The following ABCA4 variants were observed in gnomAD, a reference collection of about 807,000 sequenced individuals.
ABCA4 encodes ATP binding cassette subfamily A member 4.
Under a neutral mutation model 263.7 loss-of-function variants are expected in ABCA4, and 196 were observed. The observed-to-expected ratio is 0.74, with a 90% CI of 0.66 to 0.84. The LOEUF (loss-of-function observed/expected upper bound fraction) is 0.84. Ranked by LOEUF, ABCA4 falls within the 40% of genes least tolerant of loss-of-function variation. The pLI, the probability that ABCA4 is intolerant of heterozygous loss-of-function variation, is 0.00. For synonymous variants in ABCA4, 1,133 were observed against 1,094.2 expected (o/e 1.04, Z -0.70); for missense variants, 2,792 against 2,855.1 (o/e 0.98, Z 0.50).
intron 48 of ABCA4, among the ~76,000 whole-genome samples, chr1:93,997,414 C>T (rs148600981): frequency 3.7e-4 from 56 of 151,192 alleles, no homozygotes; most frequent in East Asian, 1.9e-3. Context: ...TGCACCACCA[C>T]GCCTGGCTAA....
chr1:94,037,347 TC>T lies in ABCA4; in HGVS notation c.3610del (p.Asp1204MetfsTer2). Reference protein sequence around the residue: ...DLTPEQVLDGDVNELMDVVLH... With the variant: ...DLTPEQVLDGXVNELMDVVLH... ...AACTACATCCATCAGCTCATTTACA[TC>T]CCCTAGGACAAGAAAAAAGACTGAT... On this transcript the variant is annotated frameshift_variant and splice_region_variant, in exon 25 of 50. Transcript: ENST00000370225. LOFTEE classifies it high-confidence loss of function. 1 of 1,613,942 alleles carries T rather than the reference TC, an allele frequency of 6.2e-7. No individual in the cohort carries two copies. The highest frequency in any genetic ancestry group is 8.5e-7 in the Non-Finnish European group (1 of 1,179,984).
Position 94,121,140 on chromosome 1 carries a change from G to C in ABCA4, c.-95C>G. 1.8e-6 allele frequency: 2 copies of C among 1,086,314 alleles called. No homozygotes were observed. Among genetic ancestry groups the C allele is most frequent in the Non-Finnish European group, 2.9e-6 (2 of 700,296 alleles). The allele number at this position is 1,086,314 out of a possible 1,614,324, so 67.3% of individuals were successfully genotyped here. Reference sequence around the variant, plus strand: ...GTTAAGAGCGCCTCTGGCTCCGGACGCTGTGTCCTTCTCCTGGTGATTAAA... The same window carrying C: ...GTTAAGAGCGCCTCTGGCTCCGGACCCTGTGTCCTTCTCCTGGTGATTAAA... On this transcript the variant is annotated 5_prime_UTR_variant, in exon 1 of 50. Transcript: ENST00000370225.
At chr1:94,021,434 G>C (rs778081754) in intron 34 of ABCA4, 25 bp from the exon 35 acceptor site, 2 of 1,614,026 alleles carry the variant, frequency 1.2e-6, no homozygotes, top group Non-Finnish European at 1.7e-6. Flanking sequence ...GGACATCTGA[G>C]ACGCTGCACT....
intron 37 of ABCA4, among the ~76,000 whole-genome samples, chr1:94,015,332 C>T (rs139755442): frequency 2.8e-4 from 42 of 152,250 alleles, no homozygotes; most frequent in African/African-American, 5.1e-4. Flanking sequence ...GCTTTTTGGC[C>T]GGAGTCTTCT....
intron 48 of ABCA4, 66 bp from the exon 49 acceptor site, chr1:93,996,261 AC>A: frequency 8.3e-7 from 1 of 1,201,508 alleles, no homozygotes. Flanking sequence ...ACACCCACCT[AC>A]CCACTTTGCT....
Position 94,051,682 on chromosome 1 carries a change from T to C in ABCA4, c.2604A>G (p.Pro868=), listed in dbSNP as rs1660844781. The C allele has an allele frequency of 1.2e-6, 2 of 1,613,922 alleles. No homozygotes were observed. The highest frequency in any genetic ancestry group is 1.7e-6 in the Non-Finnish European group (2 of 1,179,768). ...DQVFPGDYGT[P]LPWYFLLQES... is the part of the protein sequence containing the mutation. Reference sequence around the variant, plus strand: ...CTTGTAGAAGAAAGTACCAAGGAAGTGGGGTTCCATAGTCTCCTAAAAATA... The same window carrying C: ...CTTGTAGAAGAAAGTACCAAGGAAGCGGGGTTCCATAGTCTCCTAAAAATA... Residue 868 remains proline, a synonymous_variant, in exon 17 of 50, where the codon CCA becomes CCG. Coordinates refer to ENST00000370225, the MANE Select transcript of ABCA4 (RefSeq NM_000350.3).
At chr1:94,085,560 C>A (rs985926512) in intron 6 of ABCA4, among the ~76,000 whole-genome samples, 1 of 152,160 alleles carries the variant, frequency 6.6e-6, no homozygotes, top group African/African-American at 2.4e-5. Context: ...TTGCCTCTAG[C>A]CCCCTCCCTT....
chr1:93,996,080 G>C, intron 49 of ABCA4, 29 bp downstream of exon 49: 1 of 1,604,574 alleles, frequency 6.2e-7, no homozygotes, highest in Non-Finnish European at 8.5e-7. Context: ...ACTGCCTCAA[G>C]CTGTGGACTG....
Position 94,080,584 on chromosome 1 carries a change from G to A in ABCA4, c.993C>T (p.Gly331=). The A allele has an allele frequency of 6.2e-7, 1 of 1,614,150 alleles. No homozygotes were observed. Among genetic ancestry groups the A allele is most frequent in the African/African-American group, 1.3e-5 (1 of 75,034 alleles). ...ACCAGTTGAAGGAGAGCACCCGAGA[G>A]CCACCTCCCTCGGGGTAGCCACACA... ...DLLCGYPEGG[G]SRVLSFNWYE... is the part of the protein sequence containing the mutation. The change falls in exon 8 of 50, where the codon GGC becomes GGT. Residue 331 remains glycine (G), a synonymous_variant. Coordinates refer to ENST00000370225, the MANE Select transcript of ABCA4 (RefSeq NM_000350.3).
chr1:94,112,903 G>T, intron 2 of ABCA4, 70 bp downstream of exon 2: 2 of 1,198,362 alleles, frequency 1.7e-6, no homozygotes, highest in South Asian at 1.2e-5. Flanking sequence ...CCCACCCCAA[G>T]ATCTTTCTAG....
chr1:94,021,870 A>G lies in ABCA4; in HGVS notation c.4749T>C (p.Leu1583=), dbSNP rs754531924. 2 of 1,614,192 alleles carry G rather than the reference A, an allele frequency of 1.2e-6. No homozygotes were observed. The highest frequency in any genetic ancestry group is 8.5e-7 in the Non-Finnish European group (1 of 1,180,040). The part of the protein sequence containing the change: ...GEALVGFLSD[L]GRIMNVSGGP... ...CCCCGCTCACATTCATGATCCGGCCAAGGTCGCTTAAAAACCCAACAAGTG... is the reference window on the plus strand; with the variant it reads ...CCCCGCTCACATTCATGATCCGGCCGAGGTCGCTTAAAAACCCAACAAGTG... The change falls in exon 33 of 50, where the codon CTT becomes CTC. Residue 1583 remains leucine (L), a synonymous_variant. Transcript: ENST00000370225.
intron 17 of ABCA4, 75 bp downstream of exon 17, chr1:94,051,556 CTG>C: frequency 3.0e-6 from 4 of 1,316,646 alleles, no homozygotes; most frequent in Non-Finnish European, 3.3e-6. Context: ...AGGGCCACCT[CTG>C]TGATCCATAT....
At chr1:94,075,845 A>T (rs1661525146) in intron 11 of ABCA4, among the ~76,000 whole-genome samples, 1 of 152,216 alleles carries the variant, frequency 6.6e-6, no homozygotes, top group Non-Finnish European at 1.5e-5. Flanking sequence ...CTGATTCTAA[A>T]TAACTCCAGT....
chr1:94,068,817 C>T (rs549590659), intron 11 of ABCA4, among the ~76,000 whole-genome samples: 1 of 152,304 alleles, frequency 6.6e-6, no homozygotes, highest in South Asian at 2.1e-4. Context: ...GGCATCTTTG[C>T]TGAATAAAAA....
chr1:94,003,558 C>T (rs1659275222), intron 44 of ABCA4, among the ~76,000 whole-genome samples: 1 of 152,162 alleles, frequency 6.6e-6, no homozygotes, highest in South Asian at 2.1e-4. Context: ...CTAATTTCTC[C>T]ATTGTAAAAT....
chr1:94,000,917 C>T lies in ABCA4; in HGVS notation c.6398G>A (p.Cys2133Tyr). The T allele has an allele frequency of 1.2e-6, 2 of 1,614,248 alleles. No individual in the cohort carries two copies. The highest frequency in any genetic ancestry group is 1.7e-6 in the Non-Finnish European group (2 of 1,180,052). Reference sequence around the variant, plus strand: ...GGCCAGCCGGGTACACAGTGCCTCACATTCTTCCATGCTGTGGGGCAGGAG... The same window carrying T: ...GGCCAGCCGGGTACACAGTGCCTCATATTCTTCCATGCTGTGGGGCAGGAG... ...VVLTSHSMEE[C>Y]EALCTRLAIM... Residue 2133 changes from cysteine to tyrosine, a missense_variant, in exon 47 of 50, where the codon TGT (cysteine) becomes TAT (tyrosine). Physicochemically the swap from Cys to Tyr is radical, Grantham distance 194. Coordinates refer to ENST00000370225, the MANE Select transcript of ABCA4 (RefSeq NM_000350.3).
intron 30 of ABCA4, 95 bp from the exon 31 acceptor site, chr1:94,025,143 G>A: frequency 1.0e-6 from 1 of 990,388 alleles, no homozygotes; most frequent in East Asian, 2.4e-5. Context: ...AATTATTTAT[G>A]GATTGAGCTG....
At position 94,044,597 on chromosome 1, in the gene ABCA4, T is replaced by C. The variant is rs111546154; in HGVS notation, c.3050+16A>G. 220 of 1,614,174 alleles carry C rather than the reference T, an allele frequency of 1.4e-4. No homozygotes were observed. In the African/African-American group the frequency reaches 2.4e-3, roughly 17 times the overall value. On this transcript the variant is annotated intron_variant, in intron 20 of 49. Coordinates refer to ENST00000370225, the MANE Select transcript of ABCA4 (RefSeq NM_000350.3). ...AGGAGAGGGGATGGGGCGGTCTCAGTTCCTGTGTCGCTTACTGGTGGAACA... is the reference window on the plus strand; with the variant it reads ...AGGAGAGGGGATGGGGCGGTCTCAGCTCCTGTGTCGCTTACTGGTGGAACA...
intron 1 of ABCA4, 93 bp downstream of exon 1, chr1:94,120,887 G>GT: frequency 8.8e-6 from 3 of 339,356 alleles, no homozygotes; most frequent in Non-Finnish European, 1.6e-5. Context: ...CCCCCACCCT[G>GT]CCCCACCACC....
Sources: allele counts gnomAD v4.1 joint callset (sites outside exome capture counted in the v4.1 genomes callset), GRCh38; gene constraint gnomAD v4.1.1; transcripts MANE v1.5; gene names NCBI Gene and HGNC (gene_info 2026-07-23, HGNC 2026-07-21).